SUN3: variants seen among roughly 807,000 people sequenced by gnomAD.
The protein encoded by SUN3 is SUN domain-containing protein 3.
A neutral mutation model predicts 48.2 loss-of-function variants in SUN3; 36 were observed. The observed-to-expected ratio is 0.75, with a 90% CI of 0.57 to 0.99. SUN3 has a LOEUF of 0.99. Among genes scored for constraint, SUN3 ranks in the 50% least tolerant of loss-of-function variants. The probability of loss-of-function intolerance (pLI) is 0.00; values close to 1 mark genes in which losing one functional copy is unlikely to be tolerated. For missense variants in SUN3, 419 were observed against 433.1 expected, an observed-to-expected ratio of 0.97 and a Z score of 0.29; for synonymous variants, 148 against 147.9, an observed-to-expected ratio of 1.00 and a Z score of 0.00.
At chr7:48,000,794 T>C (rs1365012606) in intron 6 of SUN3, among the ~76,000 whole-genome samples, 1 of 152,058 alleles carries the variant, frequency 6.6e-6, no homozygotes, top group Non-Finnish European at 1.5e-5. Flanking sequence ...TTAACTATGA[T>C]GTGTCTGGAT....
chr7:48,006,107 G>T, intron 5 of SUN3, 54 bp from the exon 6 acceptor site: 1 of 1,263,912 alleles, frequency 7.9e-7, no homozygotes, highest in African/African-American at 1.5e-5. Flanking sequence ...AACTGCTTGA[G>T]TTTTGACCAT....
chr7:48,005,041 A>G (rs1472640495), intron 6 of SUN3, among the ~76,000 whole-genome samples: 1 of 152,220 alleles, frequency 6.6e-6, no homozygotes, highest in Non-Finnish European at 1.5e-5. Context: ...CTCACTCTGC[A>G]TGTGCTACTC....
chr7:48,014,655 G>T (rs754067037), intron 3 of SUN3, among the ~76,000 whole-genome samples: 2 of 152,224 alleles, frequency 1.3e-5, no homozygotes, highest in African/African-American at 2.4e-5. Context: ...AAGACTGTGG[G>T]CAAAGGGGCA....
At chr7:48,029,881 GT>G (rs531238955), upstream of SUN3, among the ~76,000 whole-genome samples, 2 of 151,694 alleles carry the variant, frequency 1.3e-5, no homozygotes, top group African/African-American at 4.8e-5. Context: ...TCATTTCTCT[GT>G]TTTTTTTGGC....
intron 8 of SUN3, among the ~76,000 whole-genome samples, chr7:47,992,675 C>T (rs1415758295): frequency 6.7e-6 from 1 of 149,580 alleles, no homozygotes; most frequent in African/African-American, 2.5e-5. Flanking sequence ...ATGCTGAGGG[C>T]GCCAGAGGGA....
chr7:48,028,989 C>T lies in SUN3; in HGVS notation c.-51G>A, dbSNP rs567714274. Reference sequence around the variant, plus strand: ...TGGTAGGATGAAGAGCAACATTTGTCCTCATTCCTATTTTATGAAAAACAT... The same window carrying T: ...TGGTAGGATGAAGAGCAACATTTGTTCTCATTCCTATTTTATGAAAAACAT... On this transcript the variant is annotated 5_prime_UTR_variant, in exon 1 of 10. Coordinates refer to ENST00000297325, the MANE Select transcript of SUN3 (RefSeq NM_001030019.2). The T allele has an allele frequency of 3.7e-6, 6 of 1,609,994 alleles. No individual in the cohort carries two copies. The African/African-American group carries it at 8.0e-5, about 22-fold the overall frequency.
At chr7:48,017,864 A>G (rs958390105) in intron 2 of SUN3, among the ~76,000 whole-genome samples, 2 of 152,142 alleles carry the variant, frequency 1.3e-5, no homozygotes, top group Non-Finnish European at 2.9e-5. Context: ...ATAGCTTTCT[A>G]GGAAGTGGCA....
intron 8 of SUN3, 130 bp downstream of exon 8, chr7:47,994,185 G>A (rs1789139627): frequency 2.6e-6 from 2 of 783,950 alleles, no homozygotes; most frequent in Non-Finnish European, 4.0e-6. Flanking sequence ...CTTTGTAGGT[G>A]AGAAAGCAGA....
At chr7:48,011,322 G>A (rs1004054268) in intron 3 of SUN3, among the ~76,000 whole-genome samples, 3 of 152,144 alleles carry the variant, frequency 2.0e-5, no homozygotes, top group Non-Finnish European at 4.4e-5. Flanking sequence ...CCAAAATAGT[G>A]CTATACTATA....
In SUN3 at chr7:48,026,581, A is replaced by AACACACACACAC. The variant is rs112192395; in HGVS notation, c.123-655_123-644dup. On this transcript the variant is annotated intron_variant, in intron 1 of 9. Transcript: ENST00000297325. The stretch of plus-strand genomic sequence containing the variant: ...TGGACTGAATTGCACCCCACCCCCC[A>AACACACACACAC]ACACACACACACACACACACACACA... 1.8e-3 allele frequency among the ~76,000 whole-genome samples: 264 copies of AACACACACACAC among 145,728 alleles called. 2 individuals carry two copies. The highest frequency in any genetic ancestry group is 6.5e-3 in the African/African-American group (255 of 39,398).
chr7:48,006,689 C>T lies in SUN3; in HGVS notation c.492+476G>A, dbSNP rs182883760. 3.3e-4 allele frequency among the ~76,000 whole-genome samples: 50 copies of T among 152,164 alleles called. 1 individual carries two copies. In the East Asian group the frequency reaches 7.5e-3, roughly 23 times the overall value. Reference sequence around the variant, plus strand: ...GCAGGTGGTCCATGTCAGATTGCTGCGCATTTCAAAAAGTAGACATTAGGG... The same window carrying T: ...GCAGGTGGTCCATGTCAGATTGCTGTGCATTTCAAAAAGTAGACATTAGGG... On this transcript the variant is annotated intron_variant, in intron 5 of 9. Transcript: ENST00000297325.
At chr7:48,031,343 C>T (rs1418572437), upstream of SUN3, among the ~76,000 whole-genome samples, 2 of 152,178 alleles carry the variant, frequency 1.3e-5, no homozygotes, top group Non-Finnish European at 2.9e-5. Flanking sequence ...TATCACCTCA[C>T]AGCTGTTAGG....
intron 3 of SUN3, among the ~76,000 whole-genome samples, chr7:48,011,933 C>T (rs1026090522): frequency 3.9e-5 from 6 of 152,176 alleles, no homozygotes; most frequent in Non-Finnish European, 8.8e-5. Flanking sequence ...TTCAGAGCAT[C>T]ACAGCAACCA....
upstream of SUN3, among the ~76,000 whole-genome samples, chr7:48,033,776 C>T (rs1790282605): frequency 6.6e-6 from 1 of 152,124 alleles, no homozygotes; most frequent in African/African-American, 2.4e-5. Context: ...ACCTTCTTGA[C>T]TAGGCACGGT....
At chr7:48,016,274 A>G (rs757214080) in intron 3 of SUN3, among the ~76,000 whole-genome samples, 21 of 152,108 alleles carry the variant, frequency 1.4e-4, no homozygotes, top group African/African-American at 2.7e-4. Flanking sequence ...CTGCCAAACT[A>G]TCTTTAAAAA....
At chr7:48,007,898 A>G (rs1439799883) in intron 4 of SUN3, among the ~76,000 whole-genome samples, 1 of 148,806 alleles carries the variant, frequency 6.7e-6, no homozygotes, top group Non-Finnish European at 1.5e-5. Context: ...ATCTCGGCTC[A>G]CTGCAACCTC....
upstream of SUN3, among the ~76,000 whole-genome samples, chr7:48,031,720 A>G (rs1366807339): frequency 2.0e-5 from 3 of 152,166 alleles, no homozygotes; most frequent in Admixed American, 2.0e-4. Flanking sequence ...AGGAAATAAA[A>G]TCAGTGTGTT....
chr7:48,029,542 T>A (rs572932024), upstream of SUN3, among the ~76,000 whole-genome samples: 1 of 152,334 alleles, frequency 6.6e-6, no homozygotes, highest in African/African-American at 2.4e-5. Context: ...ATATTATTTA[T>A]CTTGAGACAT....
At chr7:48,027,425 T>G (rs1282460421) in intron 1 of SUN3, among the ~76,000 whole-genome samples, 5 of 152,154 alleles carry the variant, frequency 3.3e-5, no homozygotes, top group Non-Finnish European at 5.9e-5. Context: ...CAGTAGATTT[T>G]GCTCAGTGTT....
Sources: gnomAD v4.1 joint callset for allele counts (sites outside exome capture counted in the v4.1 genomes callset) on GRCh38, gnomAD v4.1.1 for gene constraint, MANE v1.5 for transcripts, NCBI Gene and HGNC (gene_info 2026-07-23, HGNC 2026-07-21) for gene names.